ABCA5: variants seen among roughly 807,000 people sequenced by gnomAD.
ABCA5 encodes the protein ATP binding cassette subfamily A member 5, also known as cholesterol transporter ABCA5.
ABCA5 carries 163 observed loss-of-function variants against 206.0 expected under a neutral mutation model. The ratio of observed to expected loss-of-function variants is 0.79; its 90% CI spans 0.70 to 0.90. The LOEUF (loss-of-function observed/expected upper bound fraction) is 0.90, where lower values mean the gene tolerates loss of function less well. Ranked by LOEUF, ABCA5 falls within the 40% of genes least tolerant of loss-of-function variation. The pLI is 0.00. For missense variants in ABCA5, 1,859 were observed against 1,912.9 expected, an observed-to-expected ratio of 0.97 and a Z score of 0.53; for synonymous variants, 609 against 613.8, an observed-to-expected ratio of 0.99 and a Z score of 0.11.
intron 18 of ABCA5, among the ~76,000 whole-genome samples, chr17:69,282,496 C>CG (rs1399487928): frequency 6.6e-6 from 1 of 152,134 alleles, no homozygotes; most frequent in Non-Finnish European, 1.5e-5. Flanking sequence ...CTCGGCCGGG[C>CG]GCAGTGGCTT....
chr17:69,271,332 C>T (rs371398728), intron 20 of ABCA5, 43 bp from the exon 21 acceptor site: 25 of 1,566,734 alleles, frequency 1.6e-5, no homozygotes, highest in South Asian at 2.4e-5. Flanking sequence ...TGAGTCTAAA[C>T]GAGGCTTTTA....
chr17:69,295,233 T>C (rs1343918434), intron 10 of ABCA5, among the ~76,000 whole-genome samples: 2 of 152,168 alleles, frequency 1.3e-5, no homozygotes, highest in Admixed American at 1.3e-4. Flanking sequence ...CCCACAGACC[T>C]CAATCTATGG....
At chr17:69,295,914 G>T (rs1053475340) in intron 10 of ABCA5, among the ~76,000 whole-genome samples, 1 of 152,094 alleles carries the variant, frequency 6.6e-6, no homozygotes, top group African/African-American at 2.4e-5. Flanking sequence ...GTTCAAACTT[G>T]TATTTTTCAG....
intron 3 of ABCA5, among the ~76,000 whole-genome samples, chr17:69,310,781 T>A (rs1404887005): frequency 1.3e-5 from 2 of 152,248 alleles, no homozygotes; most frequent in African/African-American, 4.8e-5. Context: ...ATGTATTAAC[T>A]GTGTGAGCAC....
At chr17:69,293,871 TGCGTGTGTGTGTG>T (rs1357038061) in intron 11 of ABCA5, among the ~76,000 whole-genome samples, 2,699 of 115,282 alleles carry the variant, frequency 0.023, 117 homozygotes, top group Admixed American at 0.12. Flanking sequence ...TGTGTGTGTG[TGCGTGTGTGTGTG>T]TTTGTGTGTG....
chr17:69,286,667 G>A (rs1020890620), intron 15 of ABCA5, among the ~76,000 whole-genome samples: 3 of 152,060 alleles, frequency 2.0e-5, no homozygotes, highest in Non-Finnish European at 4.4e-5. Context: ...ATAACCAAAT[G>A]TAGAAACAAC....
intron 5 of ABCA5, among the ~76,000 whole-genome samples, chr17:69,307,426 T>C (rs934900066): frequency 3.3e-5 from 5 of 152,026 alleles, no homozygotes; most frequent in African/African-American, 1.2e-4. Context: ...ATAAAACTAT[T>C]TATGCCACAT....
chr17:69,255,465 C>T (rs886239411), intron 31 of ABCA5, 78 bp downstream of exon 31: 46 of 924,032 alleles, frequency 5.0e-5, no homozygotes, highest in Admixed American at 9.7e-5. Flanking sequence ...ATATAAAATC[C>T]GAATTTGTCA....
intron 23 of ABCA5, among the ~76,000 whole-genome samples, chr17:69,266,545 T>C (rs2075210189): frequency 6.7e-6 from 1 of 149,318 alleles, no homozygotes; most frequent in Non-Finnish European, 1.5e-5. Context: ...TGTGCACATG[T>C]ACCCTAAAAC....
intron 11 of ABCA5, among the ~76,000 whole-genome samples, chr17:69,293,884 GTT>G (rs1491123010): frequency 1.3e-3 from 94 of 70,904 alleles, no homozygotes; most frequent in African/African-American, 2.7e-3. Flanking sequence ...GTGTGTGTGT[GTT>G]TGTGTGTGTG....
At chr17:69,292,168 GA>G in intron 11 of ABCA5, among the ~76,000 whole-genome samples, 1 of 152,058 alleles carries the variant, frequency 6.6e-6, no homozygotes, top group East Asian at 1.9e-4. Context: ...AAACAAGAAG[GA>G]AAAAGTCTCA....
In ABCA5 at chr17:69,304,294, T is replaced by A. The variant is rs967275071; in HGVS notation, c.930+375A>T. The A allele has an allele frequency of 3.2e-5, 5 of 154,784 alleles. No homozygotes were observed. In the East Asian group the frequency reaches 9.4e-4, roughly 29 times the overall value. 9.6% of individuals were successfully genotyped at this position (154,784 alleles called of 1,614,324 possible). A position where few individuals can be genotyped will look rare whatever the true frequency, so the allele number is the denominator to read the frequency against. ...TGCTAAAGAGTTACATTTGCAAAGA[T>A]GTATCTTTAAAAATCATCATCCTGG... is the stretch of plus-strand genomic sequence containing the variant. On this transcript the variant is annotated intron_variant, in intron 7 of 38. Transcript: ENST00000392676.
intron 11 of ABCA5, 55 bp downstream of exon 11, chr17:69,294,600 A>G: frequency 7.2e-7 from 1 of 1,391,680 alleles, no homozygotes; most frequent in Non-Finnish European, 1.0e-6. Flanking sequence ...TATGCAAATT[A>G]TTTTTCTAGT....
intron 9 of ABCA5, among the ~76,000 whole-genome samples, chr17:69,298,316 G>GAGAAGGAAGGA (rs1555582961): frequency 2.4e-5 from 1 of 42,058 alleles, no homozygotes; most frequent in African/African-American, 6.3e-5. Flanking sequence ...AAGAGAGAGA[G>GAGAAGGAAGGA]AGGAAGGAAG....
chr17:69,283,786 C>T (rs961484790), intron 18 of ABCA5, among the ~76,000 whole-genome samples, 167 bp downstream of exon 18: 1 of 149,230 alleles, frequency 6.7e-6, no homozygotes, highest in Non-Finnish European at 1.5e-5. Context: ...CTAAGACCAC[C>T]CCATTATTTC....
intron 28 of ABCA5, among the ~76,000 whole-genome samples, chr17:69,257,227 CAGGTGTGGTGG>C (rs761435489): frequency 3.2e-4 from 48 of 151,860 alleles, no homozygotes; most frequent in South Asian, 6.2e-4. Flanking sequence ...AAAAATTAAC[CAGGTGTGGTGG>C]CACATGCCTG....
rs370723233 is a variant in ABCA5, at chr17:69,303,826, G to GTA, written c.930+841_930+842dup. 5.5e-4 allele frequency among the ~76,000 whole-genome samples: 3 copies of GTA among 5,456 alleles called. 1 individual carries two copies. Among genetic ancestry groups the GTA allele is most frequent in the African/African-American group, 9.2e-4 (3 of 3,248 alleles). 3.6% of individuals were successfully genotyped at this position (5,456 alleles called of 152,430 possible). On this transcript the variant is annotated intron_variant, in intron 7 of 38. Transcript: ENST00000392676. ...TATATATACATACATATATATATATGTATATATATATATACATACATATAT... is the reference window on the plus strand; with the variant it reads ...TATATATACATACATATATATATATGTATATATATATATATACATACATATAT...
intron 15 of ABCA5, among the ~76,000 whole-genome samples, chr17:69,287,114 G>T (rs1199999015): frequency 6.6e-6 from 1 of 152,150 alleles, no homozygotes; most frequent in Non-Finnish European, 1.5e-5. Context: ...TGGAACTTTG[G>T]TATGTGCTAG....
At chr17:69,320,874 C>A (rs553398372) in intron 1 of ABCA5, among the ~76,000 whole-genome samples, 2 of 152,168 alleles carry the variant, frequency 1.3e-5, no homozygotes, top group Non-Finnish European at 2.9e-5. Flanking sequence ...CCTATAAATT[C>A]TTTGCAAATG....
Sources: allele counts gnomAD v4.1 joint callset (sites outside exome capture counted in the v4.1 genomes callset), GRCh38; gene constraint gnomAD v4.1.1; transcripts MANE v1.5; gene names NCBI Gene and HGNC (gene_info 2026-07-23, HGNC 2026-07-21).